The following BRCA1 variants were observed in gnomAD, a reference collection of about 807,000 sequenced individuals.
BRCA1 encodes breast cancer type 1 susceptibility protein.
In BRCA1, 140 loss-of-function variants were observed where a neutral mutation model predicts 173.7. That is an observed-to-expected ratio of 0.81 (90% confidence interval 0.70 to 0.93). The LOEUF is 0.93. Ranked by LOEUF, BRCA1 falls within the 40% of genes least tolerant of loss-of-function variation. The pLI, the probability that BRCA1 is intolerant of heterozygous loss-of-function variation, is 0.00. For missense variants in BRCA1, 1,983 were observed against 2,172.5 expected (o/e 0.91, Z 1.73); for synonymous variants, 662 against 756.0 (o/e 0.88, Z 2.04).
rs2154381160 is a variant in BRCA1, at chr17:43,093,162, G to A, written c.2369C>T (p.Thr790Ile). ...QESISLLEVS[T>I]LGKAKTEPNK... ...TGGTTCTGTTTTTGCCTTCCCTAGA[G>A]TGCTAACTTCCAGTAACGAGATACT... The change falls in exon 10 of 23, where the codon ACT becomes ATT. Residue 790 changes from threonine to isoleucine, a missense_variant. Thr to Ile is a moderately conservative substitution (Grantham distance 89). Transcript: ENST00000357654. 1 of 1,613,768 alleles carries A rather than the reference G, an allele frequency of 6.2e-7. No homozygotes were observed. Among genetic ancestry groups the A allele is most frequent in the Non-Finnish European group, 8.5e-7 (1 of 1,179,914 alleles).
intron 19 of BRCA1, among the ~76,000 whole-genome samples, chr17:43,053,964 C>T (rs532899955): frequency 2.7e-5 from 4 of 148,444 alleles, no homozygotes; most frequent in East Asian, 2.0e-4. Flanking sequence ...AGCAAAGCTT[C>T]GTCTTAAAAA....
chr17:43,118,051 G>GGT (rs1378058863), intron 2 of BRCA1, among the ~76,000 whole-genome samples: 1 of 152,054 alleles, frequency 6.6e-6, no homozygotes, highest in Non-Finnish European at 1.5e-5. Context: ...AGGGGAAACA[G>GGT]GTAGTTCAAT....
intron 12 of BRCA1, among the ~76,000 whole-genome samples, chr17:43,077,335 CTTT>C (rs68171917): frequency 1.4e-5 from 2 of 145,662 alleles, no homozygotes; most frequent in Non-Finnish European, 1.5e-5. Flanking sequence ...CATGTTAGTT[CTTT>C]TTTTTTTTTT....
chr17:43,077,729 A>T (rs1432420228), intron 12 of BRCA1, among the ~76,000 whole-genome samples: 1 of 142,054 alleles, frequency 7.0e-6, no homozygotes, highest in Admixed American at 7.4e-5. Context: ...TTATTTATTT[A>T]TTTTTATTTA....
intron 1 of BRCA1, among the ~76,000 whole-genome samples, chr17:43,149,763 CCTTT>C (rs1285799205): frequency 1.3e-5 from 2 of 152,102 alleles, no homozygotes; most frequent in South Asian, 2.1e-4. Context: ...TAGTTTTCTT[CCTTT>C]CTCTTTGGCC....
chr17:43,089,148 A>G (rs750927265), intron 11 of BRCA1, among the ~76,000 whole-genome samples: 1 of 152,100 alleles, frequency 6.6e-6, no homozygotes. Flanking sequence ...CCCTCTCTCT[A>G]CTAAAAAAAT....
At chr17:43,064,593 A>T (rs890623050) in intron 16 of BRCA1, among the ~76,000 whole-genome samples, 1 of 152,232 alleles carries the variant, frequency 6.6e-6, no homozygotes, top group African/African-American at 2.4e-5. Context: ...AGTTTTAAAC[A>T]GGAGAAATGT....
intron 2 of BRCA1, among the ~76,000 whole-genome samples, chr17:43,120,838 G>C (rs1223777651): frequency 6.6e-6 from 1 of 152,118 alleles, no homozygotes; most frequent in Admixed American, 6.5e-5. Flanking sequence ...AGGCCGAGGC[G>C]GGTGGATCAC....
rs80357383 is a variant in BRCA1, at chr17:43,074,502, G to A, written c.4504C>T (p.Pro1502Ser). 6.2e-7 allele frequency: 1 copy of A among 1,613,922 alleles called. No individual in the cohort carries two copies. The highest frequency in any genetic ancestry group is 8.5e-7 in the Non-Finnish European group (1 of 1,179,864). ...GVERSSPSKCPSLDDRWYMHS... is the reference protein window; with the variant it reads ...GVERSSPSKCSSLDDRWYMHS... ...ATGTACCACCTATCATCTAATGATG[G>A]GCATTTAGAAGGGGATGACCTAGAA... The change falls in exon 14 of 23, where the codon CCA becomes TCA. Residue 1502 changes from proline to serine, a missense_variant. Coordinates refer to ENST00000357654, the MANE Select transcript of BRCA1 (RefSeq NM_007294.4).
rs1555588045 is a variant in BRCA1, at chr17:43,092,262, T to C, written c.3269A>G (p.Gln1090Arg). Reference sequence around the variant, plus strand: ...AAGACTTTGTTTATAGACCTCAGGTTGCAAAACCCCTAATCTAAGCATAGC... The same window carrying C: ...AAGACTTTGTTTATAGACCTCAGGTCGCAAAACCCCTAATCTAAGCATAGC... Reference protein sequence around the residue: ...LNAMLRLGVLQPEVYKQSLPG... With the variant: ...LNAMLRLGVLRPEVYKQSLPG... The change falls in exon 10 of 23, where the codon CAA (glutamine) becomes CGA (arginine). Residue 1090 changes from glutamine (Q) to arginine (R), a missense_variant. Gln to Arg is a conservative substitution (Grantham distance 43). Transcript: ENST00000357654. 6.2e-7 allele frequency: 1 copy of C among 1,613,826 alleles called. No homozygotes were observed. Among genetic ancestry groups the C allele is most frequent in the Non-Finnish European group, 8.5e-7 (1 of 1,179,996 alleles).
intron 19 of BRCA1, among the ~76,000 whole-genome samples, chr17:43,054,677 G>A (rs2051385237): frequency 1.3e-5 from 2 of 152,024 alleles, no homozygotes; most frequent in Non-Finnish European, 2.9e-5. Context: ...CTGGGCTCAA[G>A]TGATCCTCCT....
intron 2 of BRCA1, among the ~76,000 whole-genome samples, chr17:43,122,763 A>G (rs2055635488): frequency 6.6e-6 from 1 of 151,820 alleles, no homozygotes; most frequent in African/African-American, 2.4e-5. Flanking sequence ...AAATACAAGA[A>G]TGGCTGGACG....
intron 3 of BRCA1, chr17:43,110,415 GTC>G (rs754810358): frequency 4.5e-4 from 115 of 255,218 alleles, no homozygotes; most frequent in Non-Finnish European, 8.6e-4. Context: ...GCGAAACCCC[GTC>G]TCTACAGAAA....
Position 43,099,868 on chromosome 17 carries a change from G to C in BRCA1, c.454C>G (p.Leu152Val), listed in dbSNP as rs41286288. ...CCAAGGTTAGAGAGTTGGACACTGA[G>C]ACTGGTTTCCTGCTAAACAGTATGG... ...PENPSLQETS[L>V]SVQLSNLGTV... is the part of the protein sequence containing the mutation. The change falls in exon 7 of 23, where the codon CTC (leucine) becomes GTC (valine). Residue 152 changes from leucine to valine, a missense_variant. Leu to Val is a conservative substitution (Grantham distance 32). Transcript: ENST00000357654. 6.2e-7 allele frequency: 1 copy of C among 1,612,718 alleles called. No individual in the cohort carries two copies.
chr17:43,086,250 C>A (rs923458760), intron 11 of BRCA1, among the ~76,000 whole-genome samples: 1 of 152,008 alleles, frequency 6.6e-6, no homozygotes, highest in African/African-American at 2.4e-5. Context: ...AACACATGAC[C>A]TTGATAGGAG....
chr17:43,108,169 C>T (rs1441959429), intron 3 of BRCA1, among the ~76,000 whole-genome samples: 4 of 151,876 alleles, frequency 2.6e-5, no homozygotes, highest in Non-Finnish European at 4.4e-5. Context: ...GAAACCCTGT[C>T]TCTACTAAAT....
intron 13 of BRCA1, among the ~76,000 whole-genome samples, chr17:43,075,429 T>C (rs2052666206): frequency 6.6e-6 from 1 of 152,170 alleles, no homozygotes; most frequent in African/African-American, 2.4e-5. Flanking sequence ...CAAAATAAGA[T>C]ACTTATCAAC....
chr17:43,066,158 C>G (rs914700433), intron 16 of BRCA1, among the ~76,000 whole-genome samples: 2 of 152,044 alleles, frequency 1.3e-5, no homozygotes, highest in Admixed American at 6.6e-5. Flanking sequence ...TTTTTAGCAG[C>G]CCTGAAATGT....
chr17:43,053,380 G>A (rs568469132), intron 19 of BRCA1, among the ~76,000 whole-genome samples: 9 of 152,264 alleles, frequency 5.9e-5, no homozygotes, highest in Non-Finnish European at 1.0e-4. Flanking sequence ...TTGAAGTTTC[G>A]GGCTTGGCGT....
Sources: gnomAD v4.1 joint callset for allele counts (sites outside exome capture counted in the v4.1 genomes callset) on GRCh38, gnomAD v4.1.1 for gene constraint, MANE v1.5 for transcripts, NCBI Gene and HGNC (gene_info 2026-07-23, HGNC 2026-07-21) for gene names.